The following PLSCR1 variants were observed in gnomAD, a reference collection of about 807,000 sequenced individuals.
The protein encoded by PLSCR1 is PL scramblase 1.
PLSCR1 carries 17 observed loss-of-function variants against 37.8 expected under a neutral mutation model. The ratio of observed to expected loss-of-function variants is 0.45; its 90% CI spans 0.31 to 0.68. The LOEUF is 0.68. Ranked by LOEUF, PLSCR1 falls within the 30% of genes least tolerant of loss-of-function variation. PLSCR1 has a pLI of 0.06. For missense variants in PLSCR1, 347 were observed against 380.9 expected, an observed-to-expected ratio of 0.91 and a Z score of 0.74; for synonymous variants, 116 against 125.9, an observed-to-expected ratio of 0.92 and a Z score of 0.53.
At chr3:146,525,200 A>T (rs866382895) in intron 5 of PLSCR1, among the ~76,000 whole-genome samples, 4 of 152,344 alleles carry the variant, frequency 2.6e-5, no homozygotes, top group Middle Eastern at 6.8e-3. Flanking sequence ...AACTGTGGGC[A>T]CAAATGATAA....
chr3:146,517,158 G>C lies in PLSCR1; in HGVS notation c.748C>G (p.Leu250Val). The C allele has an allele frequency of 4.0e-6, 6 of 1,508,926 alleles. No homozygotes were observed. The highest frequency in any genetic ancestry group is 5.3e-6 in the Non-Finnish European group (6 of 1,128,672). The allele number at this position is 1,508,926 out of a possible 1,614,324, so 93.5% of individuals were successfully genotyped here. A position where few individuals can be genotyped will look rare whatever the true frequency, so the allele number is the denominator to read the frequency against. The change falls in exon 8 of 9, where the codon CTT becomes GTT. Residue 250 changes from leucine to valine, a missense_variant. Physicochemically the swap from Leu to Val is conservative, Grantham distance 32. Transcript: ENST00000342435. ...TTGCCAACCACACACTGTTCATCAA[G>C]AGATTTAATCTAAATTGAAAAAAAA... is the stretch of plus-strand genomic sequence containing the variant. ...CGDVDFEIKS[L>V]DEQCVVGKIS...
intron 5 of PLSCR1, among the ~76,000 whole-genome samples, chr3:146,524,018 C>G (rs894912917): frequency 3.3e-5 from 5 of 152,168 alleles, no homozygotes; most frequent in Admixed American, 3.3e-4. Context: ...GTCTTACCAC[C>G]ATGAACTCCT....
chr3:146,519,460 A>AT (rs1328319609), intron 7 of PLSCR1, among the ~76,000 whole-genome samples: 2 of 151,810 alleles, frequency 1.3e-5, no homozygotes, highest in East Asian at 3.9e-4. Flanking sequence ...ATGTGGCCAT[A>AT]TTTTTTCCCC....
intron 5 of PLSCR1, among the ~76,000 whole-genome samples, chr3:146,525,028 C>CCATTTTTGCA (rs2044087719): frequency 6.6e-6 from 1 of 152,108 alleles, no homozygotes; most frequent in East Asian, 1.9e-4. Flanking sequence ...ACCTAAGGAG[C>CCATTTTTGCA]CCTGGACCCA....
chr3:146,538,394 C>A (rs372782828), intron 1 of PLSCR1, among the ~76,000 whole-genome samples: 1 of 152,070 alleles, frequency 6.6e-6, no homozygotes, highest in African/African-American at 2.4e-5. Context: ...TAAAAATATG[C>A]GAAGAGTACT....
chr3:146,533,133 A>G (rs1474555094), intron 3 of PLSCR1, among the ~76,000 whole-genome samples: 1 of 152,192 alleles, frequency 6.6e-6, no homozygotes, highest in Non-Finnish European at 1.5e-5. Context: ...CAGATGGAGG[A>G]TCAATAAAAT....
chr3:146,542,510 T>C (rs868546176), intron 1 of PLSCR1, among the ~76,000 whole-genome samples: 1 of 152,232 alleles, frequency 6.6e-6, no homozygotes, highest in African/African-American at 2.4e-5. Flanking sequence ...CACATGATTA[T>C]GTTGGACTTC....
intron 2 of PLSCR1, 37 bp downstream of exon 2, chr3:146,536,503 T>C (rs1479033174): frequency 4.8e-6 from 5 of 1,045,112 alleles, no homozygotes; most frequent in Non-Finnish European, 7.6e-6. Context: ...ATTAACATTA[T>C]AAGGAGGAAA....
intron 7 of PLSCR1, among the ~76,000 whole-genome samples, chr3:146,517,573 C>T (rs551654887): frequency 2.4e-4 from 36 of 152,202 alleles, no homozygotes; most frequent in South Asian, 1.2e-3. Flanking sequence ...TTTACACAGA[C>T]TGAAAGATTA....
intron 5 of PLSCR1, 166 bp downstream of exon 5, chr3:146,525,439 G>C (rs1027812532): frequency 1.8e-6 from 1 of 549,026 alleles, no homozygotes; most frequent in African/African-American, 2.0e-5. Context: ...TTTACCTTTT[G>C]ATTCCTAAAT....
In PLSCR1 at chr3:146,525,772, C is replaced by A. The variant is rs2044100182; in HGVS notation, c.313-125G>T. 8.4e-6 allele frequency: 4 copies of A among 475,562 alleles called. No individual in the cohort carries two copies. In the Admixed American group the frequency reaches 1.6e-4, roughly 19 times the overall value. The allele number at this position is 475,562 out of a possible 1,614,324, so 29.5% of individuals were successfully genotyped here. A position where few individuals can be genotyped will look rare whatever the true frequency, so the allele number is the denominator to read the frequency against. On this transcript the variant is annotated intron_variant, in intron 4 of 8. Transcript: ENST00000342435. ...GTAACCAATTATCAATATTTAACAG[C>A]TTATATTACTTTTTAGTGTAAAACT...
At position 146,528,742 on chromosome 3, in the gene PLSCR1, G is replaced by C; in HGVS notation, c.184C>G (p.Pro62Ala). 6.2e-7 allele frequency: 1 copy of C among 1,614,186 alleles called. No individual in the cohort carries two copies. The highest frequency in any genetic ancestry group is 8.5e-7 in the Non-Finnish European group (1 of 1,180,022). ...GHSGPGPAGF[P>A]VPNQPVYNQP... ...TTATACACTGGCTGATTTGGGACAGGAAAGCCAGCTGGGCCAGGACCTGAA... is the reference window on the plus strand; with the variant it reads ...TTATACACTGGCTGATTTGGGACAGCAAAGCCAGCTGGGCCAGGACCTGAA... Residue 62 changes from proline to alanine, a missense_variant, in exon 4 of 9, where the codon CCT (proline) becomes GCT (alanine). By Grantham distance (27) the Pro-to-Ala change is conservative. Coordinates refer to ENST00000342435, the MANE Select transcript of PLSCR1 (RefSeq NM_021105.3).
intron 8 of PLSCR1, chr3:146,516,368 T>C: frequency 3.4e-6 from 1 of 297,574 alleles, no homozygotes; most frequent in Non-Finnish European, 6.2e-6. Flanking sequence ...TAAATGTTAC[T>C]TTTTCTCTAT....
chr3:146,524,933 C>T (rs1179694376), intron 5 of PLSCR1, among the ~76,000 whole-genome samples: 1 of 152,114 alleles, frequency 6.6e-6, no homozygotes, highest in East Asian at 1.9e-4. Flanking sequence ...AGAAGGAAAA[C>T]ACTATGGTTC....
chr3:146,519,235 C>T (rs1361228396), intron 7 of PLSCR1, among the ~76,000 whole-genome samples: 1 of 152,042 alleles, frequency 6.6e-6, no homozygotes, highest in Non-Finnish European at 1.5e-5. Flanking sequence ...TACTCTTGAC[C>T]ATTAGGATTG....
At chr3:146,526,532 C>A (rs968850688) in intron 4 of PLSCR1, among the ~76,000 whole-genome samples, 5 of 151,586 alleles carry the variant, frequency 3.3e-5, no homozygotes, top group Non-Finnish European at 7.4e-5. Context: ...TCAAAATTTT[C>A]AAAACAAAAA....
In PLSCR1 at chr3:146,528,707, TACTGGCTGATTATAC is replaced by T. The variant is rs768449435; in HGVS notation, c.204_218del (p.Tyr74_Val78del). 5.0e-6 allele frequency: 8 copies of T among 1,605,956 alleles called. No homozygotes were observed. In the African/African-American group the frequency reaches 6.7e-5, roughly 13 times the overall value. ...CTGCAGCTCCAACTGGCTGATTATA[TACTGGCTGATTATAC>T]ACTGGCTGATTTGGGACAGGAAAGC... On this transcript the variant is annotated inframe_deletion, in exon 4 of 9. Transcript: ENST00000342435.
At chr3:146,542,555 C>T (rs540406295) in intron 1 of PLSCR1, among the ~76,000 whole-genome samples, 15 of 152,262 alleles carry the variant, frequency 9.9e-5, no homozygotes, top group Non-Finnish European at 1.5e-5. Flanking sequence ...AAATTTCTGT[C>T]CTTTATAAAT....
chr3:146,526,951 C>A (rs2044125522), intron 4 of PLSCR1, among the ~76,000 whole-genome samples: 1 of 152,108 alleles, frequency 6.6e-6, no homozygotes, highest in African/African-American at 2.4e-5. Flanking sequence ...ACCAGCCTGG[C>A]CAGTATGGTG....
Sources: allele counts gnomAD v4.1 joint callset (sites outside exome capture counted in the v4.1 genomes callset), GRCh38; gene constraint gnomAD v4.1.1; transcripts MANE v1.5; gene names NCBI Gene and HGNC (gene_info 2026-07-23, HGNC 2026-07-21).